Variants in FBXL13 observed in about 807,000 individuals in gnomAD.
The protein encoded by FBXL13 is F-box and leucine-rich repeat protein 13.
In FBXL13, 67 loss-of-function variants were observed where a neutral mutation model predicts 83.6. The observed-to-expected ratio is 0.80, with a 90% CI of 0.66 to 0.98. FBXL13 has a LOEUF of 0.98. Ranked by LOEUF, FBXL13 falls within the 50% of genes least tolerant of loss-of-function variation. The pLI, the probability that FBXL13 is intolerant of heterozygous loss-of-function variation, is 0.00. For synonymous variants in FBXL13, 272 were observed against 299.5 expected, an observed-to-expected ratio of 0.91 and a Z score of 0.95; for missense variants, 822 against 866.5, an observed-to-expected ratio of 0.95 and a Z score of 0.64.
At chr7:102,837,879 T>A (rs748364824) in intron 17 of FBXL13, among the ~76,000 whole-genome samples, 1 of 152,250 alleles carries the variant, frequency 6.6e-6, no homozygotes, top group Non-Finnish European at 1.5e-5. Flanking sequence ...TAGTTATTCA[T>A]GTAAGTGTCT....
At chr7:102,941,210 A>T (rs1383670428) in intron 8 of FBXL13, among the ~76,000 whole-genome samples, 1 of 152,194 alleles carries the variant, frequency 6.6e-6, no homozygotes, top group Admixed American at 6.5e-5. Context: ...TTTTTCAATA[A>T]ATAAGGATAC....
intron 19 of FBXL13, chr7:102,814,403 G>A (rs998764116): frequency 1.3e-5 from 2 of 152,102 alleles, no homozygotes; most frequent in East Asian, 1.9e-4. Context: ...CATACACTTC[G>A]AGTTAAGTTT....
At chr7:103,060,030 A>ATATATATATC (rs2129498165) in intron 1 of FBXL13, among the ~76,000 whole-genome samples, 1 of 85,580 alleles carries the variant, frequency 1.2e-5, no homozygotes, top group East Asian at 4.3e-4. Context: ...TTATATATAT[A>ATATATATATC]TATATATATA....
intron 16 of FBXL13, among the ~76,000 whole-genome samples, chr7:102,876,298 G>T (rs188752910): frequency 6.6e-6 from 1 of 152,094 alleles, no homozygotes; most frequent in African/African-American, 2.4e-5. Context: ...ATGGGCCCTC[G>T]TACATCTCAG....
chr7:103,034,268 T>TG (rs1260740705), intron 2 of FBXL13, among the ~76,000 whole-genome samples: 1 of 152,100 alleles, frequency 6.6e-6, no homozygotes, highest in East Asian at 1.9e-4. Flanking sequence ...GGGTGGTCGA[T>TG]GGGACTGCGC....
chr7:102,929,362 G>A (rs974986138), intron 9 of FBXL13, among the ~76,000 whole-genome samples: 1 of 152,086 alleles, frequency 6.6e-6, no homozygotes, highest in Non-Finnish European at 1.5e-5. Flanking sequence ...CTCAGAAGAG[G>A]GAGAAATTAA....
At chr7:102,906,312 G>A (rs1813742159) in intron 11 of FBXL13, among the ~76,000 whole-genome samples, 1 of 152,142 alleles carries the variant, frequency 6.6e-6, no homozygotes, top group Non-Finnish European at 1.5e-5. Flanking sequence ...TCATTGTACT[G>A]ATTATGTCTT....
intron 2 of FBXL13, among the ~76,000 whole-genome samples, chr7:103,033,999 T>A (rs1794806202): frequency 6.6e-6 from 1 of 151,248 alleles, no homozygotes; most frequent in East Asian, 2.0e-4. Context: ...CCCACCAGAG[T>A]AGCTAGATAC....
chr7:102,842,578 A>G (rs1803141067), intron 17 of FBXL13, among the ~76,000 whole-genome samples: 1 of 152,232 alleles, frequency 6.6e-6, no homozygotes, highest in Non-Finnish European at 1.5e-5. Flanking sequence ...AGATCAGAAG[A>G]GAGTCACTGG....
At chr7:102,934,743 T>C in intron 8 of FBXL13, 1 of 1,397,602 alleles carries the variant, frequency 7.2e-7, no homozygotes, top group East Asian at 2.3e-5. Flanking sequence ...TCTTTGAATC[T>C]TATAATCCTC....
chr7:102,987,206 T>C (rs1322340300), intron 6 of FBXL13, among the ~76,000 whole-genome samples: 1 of 152,114 alleles, frequency 6.6e-6, no homozygotes, highest in Non-Finnish European at 1.5e-5. Context: ...CTATGTACAC[T>C]ATTCAGGTGA....
chr7:102,902,535 A>C (rs1157443650), intron 11 of FBXL13, among the ~76,000 whole-genome samples: 1 of 152,142 alleles, frequency 6.6e-6, no homozygotes, highest in Non-Finnish European at 1.5e-5. Context: ...GATTTTCTCC[A>C]ATGTTCTCTT....
At chr7:102,845,047 C>T (rs1038877367) in intron 17 of FBXL13, among the ~76,000 whole-genome samples, 8 of 152,218 alleles carry the variant, frequency 5.3e-5, no homozygotes, top group East Asian at 1.9e-4. Flanking sequence ...TGGATGTGTT[C>T]GCCAACCTGG....
At chr7:102,956,516 A>G (rs1338365092) in intron 8 of FBXL13, among the ~76,000 whole-genome samples, 1 of 152,180 alleles carries the variant, frequency 6.6e-6, no homozygotes, top group African/African-American at 2.4e-5. Flanking sequence ...TGAACATAGT[A>G]TTAGAAGTTC....
intron 8 of FBXL13, among the ~76,000 whole-genome samples, chr7:102,958,627 T>C (rs150526522): frequency 4.3e-4 from 65 of 152,068 alleles, no homozygotes; most frequent in Non-Finnish European, 5.9e-4. Context: ...ATAATTATTT[T>C]ATTAACTTTT....
At chr7:102,903,940 T>TTTTCTTTTC (rs1554447209) in intron 11 of FBXL13, among the ~76,000 whole-genome samples, 11 of 83,248 alleles carry the variant, frequency 1.3e-4, no homozygotes, top group African/African-American at 6.3e-4. Flanking sequence ...TTTTCTTTTC[T>TTTTCTTTTC]TTTTTTTTTT....
At chr7:102,912,620 T>C (rs1814899275) in intron 11 of FBXL13, among the ~76,000 whole-genome samples, 3 of 151,756 alleles carry the variant, frequency 2.0e-5, no homozygotes, top group African/African-American at 7.3e-5. Flanking sequence ...ATTTTTTAAA[T>C]TATGAGTTTT....
At chr7:102,977,738 C>G (rs1199827892) in intron 6 of FBXL13, among the ~76,000 whole-genome samples, 1 of 152,136 alleles carries the variant, frequency 6.6e-6, no homozygotes, top group African/African-American at 2.4e-5. Context: ...GAAAATGTGG[C>G]ACATATGCAC....
chr7:102,871,123 C>T (rs2129456438), intron 16 of FBXL13, among the ~76,000 whole-genome samples: 1 of 152,174 alleles, frequency 6.6e-6, no homozygotes, highest in African/African-American at 2.4e-5. Context: ...CTATGTTCTT[C>T]CTGGGAGTAC....
Sources: gnomAD v4.1 joint callset for allele counts (sites outside exome capture counted in the v4.1 genomes callset) on GRCh38, gnomAD v4.1.1 for gene constraint, MANE v1.5 for transcripts, NCBI Gene and HGNC (gene_info 2026-07-23, HGNC 2026-07-21) for gene names.